The following AGMO variants were observed in gnomAD, a reference collection of about 807,000 sequenced individuals.
AGMO encodes alkylglycerol monooxygenase.
A neutral mutation model predicts 60.2 loss-of-function variants in AGMO; 75 were observed. The ratio of observed to expected loss-of-function variants is 1.25; its 90% CI spans 1.03 to 1.51. The LOEUF is 1.51. Among genes scored for constraint, AGMO ranks in the 40% most tolerant of loss-of-function variants. The pLI, the probability that AGMO is intolerant of heterozygous loss-of-function variation, is 0.00. For missense variants in AGMO, 763 were observed against 525.5 expected, an observed-to-expected ratio of 1.45 and a Z score of -4.42; for synonymous variants, 261 against 177.1, an observed-to-expected ratio of 1.47 and a Z score of -3.76.
intron 3 of AGMO, among the ~76,000 whole-genome samples, chr7:15,480,743 C>T (rs530243576): frequency 2.0e-5 from 3 of 152,050 alleles, no homozygotes; most frequent in African/African-American, 7.2e-5. Flanking sequence ...AAGTCTTTGC[C>T]ATTACATAAA....
At chr7:15,141,169 C>A in the AGMO span, among the ~76,000 whole-genome samples, 1,945 of 152,226 alleles carry the variant, frequency 0.013, 34 homozygotes, top group African/African-American at 0.044. Context: ...GAGCCCAACG[C>A]CTTGGGAGTG....
At chr7:15,558,911 A>G (rs1785226791) in intron 2 of AGMO, among the ~76,000 whole-genome samples, 1 of 152,114 alleles carries the variant, frequency 6.6e-6, no homozygotes, top group African/African-American at 2.4e-5. Flanking sequence ...ACCAGTCAGA[A>G]GTAAAGCTCT....
intron 12 of AGMO, among the ~76,000 whole-genome samples, chr7:15,262,979 GAAGAT>G (rs567053341): frequency 7.4e-4 from 113 of 152,192 alleles, no homozygotes; most frequent in Non-Finnish European, 1.2e-3. Context: ...AAAGATTCTA[GAAGAT>G]AACATTGTAA....
intron 12 of AGMO, among the ~76,000 whole-genome samples, chr7:15,208,294 A>T (rs1781491146): frequency 6.6e-6 from 1 of 152,192 alleles, no homozygotes; most frequent in Non-Finnish European, 1.5e-5. Flanking sequence ...ATCATTTGTG[A>T]GAAGAAACAT....
chr7:15,242,280 AAG>A (rs1782613265), intron 12 of AGMO, among the ~76,000 whole-genome samples: 4 of 152,148 alleles, frequency 2.6e-5, no homozygotes, highest in Admixed American at 6.5e-5. Flanking sequence ...TCTTGAACTC[AAG>A]AAGAATTAGA....
intron 11 of AGMO, among the ~76,000 whole-genome samples, 164 bp from the exon 12 acceptor site, chr7:15,365,783 A>G (rs977455888): frequency 3.9e-5 from 6 of 152,204 alleles, no homozygotes; most frequent in African/African-American, 1.4e-4. Flanking sequence ...TTAAGAAAGA[A>G]CACTCATCTT....
At chr7:15,160,473 C>T in the AGMO span, among the ~76,000 whole-genome samples, 4 of 152,170 alleles carry the variant, frequency 2.6e-5, no homozygotes, top group Admixed American at 2.6e-4. Context: ...TTTGTATTAT[C>T]TGGGTCTATC....
intron 12 of AGMO, among the ~76,000 whole-genome samples, chr7:15,286,574 A>G (rs143848478): frequency 1.9e-3 from 284 of 152,182 alleles, no homozygotes; most frequent in African/African-American, 6.6e-3. Flanking sequence ...CAAAAAAAGA[A>G]TAGATGTTTG....
chr7:15,452,921 G>T (rs1267567840), intron 3 of AGMO, among the ~76,000 whole-genome samples: 2 of 152,204 alleles, frequency 1.3e-5, no homozygotes, highest in Non-Finnish European at 2.9e-5. Flanking sequence ...TACATGTGCA[G>T]TGTGAATGAA....
At chr7:15,170,447 G>A in the AGMO span, among the ~76,000 whole-genome samples, 1 of 152,188 alleles carries the variant, frequency 6.6e-6, no homozygotes, top group Admixed American at 6.5e-5. Flanking sequence ...CACAATCAAG[G>A]AATAACCAAG....
intron 3 of AGMO, among the ~76,000 whole-genome samples, chr7:15,450,455 T>A (rs1325889225): frequency 6.6e-6 from 1 of 151,986 alleles, no homozygotes; most frequent in Non-Finnish European, 1.5e-5. Flanking sequence ...TGTATTTCAG[T>A]TAATTAAATT....
At chr7:15,346,641 A>C (rs149182168) in intron 12 of AGMO, among the ~76,000 whole-genome samples, 1,588 of 151,840 alleles carry the variant, frequency 0.01, 34 homozygotes, top group African/African-American at 0.037. Flanking sequence ...ACCATAAAGA[A>C]GTTATACTCA....
At chr7:15,470,706 T>G (rs1244956751) in intron 3 of AGMO, among the ~76,000 whole-genome samples, 1 of 151,972 alleles carries the variant, frequency 6.6e-6, no homozygotes, top group African/African-American at 2.4e-5. Flanking sequence ...TATCTATTTT[T>G]TAATTCTCAA....
chr7:15,121,274 A>G, the AGMO span, among the ~76,000 whole-genome samples: 10 of 152,162 alleles, frequency 6.6e-5, no homozygotes, highest in South Asian at 2.1e-4. Flanking sequence ...TAGTGCTGCA[A>G]TAAACATACA....
the AGMO span, among the ~76,000 whole-genome samples, chr7:15,192,100 C>A: frequency 6.6e-6 from 1 of 151,666 alleles, no homozygotes; most frequent in African/African-American, 2.4e-5. Context: ...TTTTTCAAAA[C>A]AAGAAATAAC....
At chr7:15,371,453 C>T (rs1230049704) in intron 10 of AGMO, among the ~76,000 whole-genome samples, 3 of 151,844 alleles carry the variant, frequency 2.0e-5, no homozygotes, top group Non-Finnish European at 2.9e-5. Flanking sequence ...TGCAATGGCG[C>T]CATCTCGGCT....
chr7:15,559,860 C>A (rs2115317034), intron 2 of AGMO, among the ~76,000 whole-genome samples: 1 of 152,054 alleles, frequency 6.6e-6, no homozygotes, highest in East Asian at 1.9e-4. Flanking sequence ...AATAGAGAAC[C>A]AGACCATAAC....
chr7:15,355,014 T>G (rs1181492532), intron 12 of AGMO, among the ~76,000 whole-genome samples: 1 of 152,056 alleles, frequency 6.6e-6, no homozygotes, highest in Admixed American at 6.6e-5. Flanking sequence ...TGATAAATAT[T>G]TGGCCTATTG....
chr7:15,514,704 G>C (rs1409376753), intron 3 of AGMO, among the ~76,000 whole-genome samples: 1 of 152,108 alleles, frequency 6.6e-6, no homozygotes, highest in African/African-American at 2.4e-5. Flanking sequence ...ATGTCATCAA[G>C]AAAGGGAAAA....
Sources: allele counts gnomAD v4.1 joint callset (sites outside exome capture counted in the v4.1 genomes callset), GRCh38; gene constraint gnomAD v4.1.1; transcripts MANE v1.5; gene names NCBI Gene and HGNC (gene_info 2026-07-23, HGNC 2026-07-21).